Variants in RRAS2 observed in about 807,000 individuals in gnomAD.
The protein encoded by RRAS2 is RAS related 2.
In RRAS2, 7 loss-of-function variants were observed where a neutral mutation model predicts 27.6. The observed-to-expected ratio is 0.25, with a 90% CI of 0.14 to 0.48. The LOEUF is 0.48. Ranked by LOEUF, RRAS2 falls within the 20% of genes least tolerant of loss-of-function variation. RRAS2 has a pLI of 0.99. For synonymous variants in RRAS2, 86 were observed against 90.9 expected (o/e 0.95, Z 0.31); for missense variants, 178 against 256.2 (o/e 0.69, Z 2.08).
At chr11:14,324,463 T>C (rs1263794955) in intron 1 of RRAS2, among the ~76,000 whole-genome samples, 1 of 150,924 alleles carries the variant, frequency 6.6e-6, no homozygotes, top group Non-Finnish European at 1.5e-5. Flanking sequence ...TATATGAGTG[T>C]AAAAGCATTC....
chr11:14,331,202 AGAAACTG>A (rs1848473806), intron 1 of RRAS2, among the ~76,000 whole-genome samples: 1 of 152,246 alleles, frequency 6.6e-6, no homozygotes, highest in Admixed American at 6.5e-5. Flanking sequence ...CTGTGAACCT[AGAAACTG>A]GAAACAAGAA....
chr11:14,360,943 C>T (rs1554956130), upstream of RRAS2, among the ~76,000 whole-genome samples: 1 of 150,336 alleles, frequency 6.7e-6, no homozygotes, highest in Admixed American at 6.6e-5. Flanking sequence ...GCTGGGATTA[C>T]AGGCATGAAC....
chr11:14,337,964 T>C (rs1377305364), intron 1 of RRAS2, among the ~76,000 whole-genome samples: 1 of 152,134 alleles, frequency 6.6e-6, no homozygotes, highest in African/African-American at 2.4e-5. Context: ...AAAAACATGG[T>C]TAGCAAAAAT....
rs545759157 is a variant in RRAS2, at chr11:14,359,031, C to T, written c.-161G>A. On this transcript the variant is annotated 5_prime_UTR_variant, in exon 1 of 6. Transcript: ENST00000256196. ...TGGAGGGCCGGTCAGCGCGGTAGCG[C>T]GGCGCTGGGGACTGGCTGGGTACCG... 6.0e-4 allele frequency: 676 copies of T among 1,119,342 alleles called. No individual in the cohort carries two copies. Among genetic ancestry groups the T allele is most frequent in the Non-Finnish European group, 7.1e-4 (647 of 917,016 alleles). 69.3% of individuals were successfully genotyped at this position (1,119,342 alleles called of 1,614,324 possible). A position where few individuals can be genotyped will look rare whatever the true frequency, so the allele number is the denominator to read the frequency against.
chr11:14,302,712 T>G (rs146713684), intron 1 of RRAS2, among the ~76,000 whole-genome samples: 3 of 152,168 alleles, frequency 2.0e-5, no homozygotes, highest in Admixed American at 6.5e-5. Context: ...GTGACTGTTA[T>G]GTAGCCTCCA....
chr11:14,323,048 G>A (rs1319301788), intron 1 of RRAS2, among the ~76,000 whole-genome samples: 2 of 152,116 alleles, frequency 1.3e-5, no homozygotes, highest in East Asian at 1.9e-4. Flanking sequence ...TACAGCTAGA[G>A]GAGACATTTA....
chr11:14,313,478 A>G (rs1346648485), intron 1 of RRAS2, among the ~76,000 whole-genome samples: 1 of 152,166 alleles, frequency 6.6e-6, no homozygotes, highest in Non-Finnish European at 1.5e-5. Flanking sequence ...GTGGCATCCA[A>G]AAAAGATATA....
intron 1 of RRAS2, among the ~76,000 whole-genome samples, chr11:14,345,221 A>G (rs1554953920): frequency 6.6e-6 from 1 of 151,998 alleles, no homozygotes; most frequent in East Asian, 1.9e-4. Flanking sequence ...CCTGACCTCA[A>G]GTGATCTGCC....
chr11:14,296,478 C>A (rs1435143133), intron 1 of RRAS2, among the ~76,000 whole-genome samples: 1 of 152,120 alleles, frequency 6.6e-6, no homozygotes, highest in Non-Finnish European at 1.5e-5. Flanking sequence ...ATCTAGATCT[C>A]AAACTCTAGA....
intron 1 of RRAS2, among the ~76,000 whole-genome samples, chr11:14,336,788 T>C (rs1463703245): frequency 3.3e-5 from 5 of 152,078 alleles, no homozygotes; most frequent in Admixed American, 1.3e-4. Context: ...AGGATCACAA[T>C]GAGAAGACAA....
chr11:14,351,440 A>C (rs1322488617), intron 1 of RRAS2, among the ~76,000 whole-genome samples: 1 of 152,160 alleles, frequency 6.6e-6, no homozygotes, highest in Non-Finnish European at 1.5e-5. Context: ...CATGAAAGCA[A>C]ATGCAGCCAG....
At chr11:14,321,404 G>T (rs1554950264) in intron 1 of RRAS2, among the ~76,000 whole-genome samples, 1 of 152,104 alleles carries the variant, frequency 6.6e-6, no homozygotes, top group African/African-American at 2.4e-5. Context: ...TTAAAAGAAT[G>T]ATCAAAAATT....
At chr11:14,311,581 G>T (rs1233813658) in intron 1 of RRAS2, among the ~76,000 whole-genome samples, 1 of 151,904 alleles carries the variant, frequency 6.6e-6, no homozygotes, top group Admixed American at 6.6e-5. Context: ...TGGCCAGGCT[G>T]GTCTTGAATT....
chr11:14,293,134 TATATATATATA>T (rs1420246833), intron 4 of RRAS2, among the ~76,000 whole-genome samples: 5 of 87,540 alleles, frequency 5.7e-5, no homozygotes, highest in African/African-American at 2.1e-4. Flanking sequence ...AATATATATA[TATATATATATA>T]TATATATATA....
In RRAS2 at chr11:14,327,822, A is replaced by AAT. The variant is rs1427953693; in HGVS notation, c.108+30940_108+30941insAT. 1.9e-4 allele frequency among the ~76,000 whole-genome samples: 29 copies of AAT among 151,586 alleles called. 1 individual carries two copies. In the East Asian group the frequency reaches 5.6e-3, roughly 29 times the overall value. On this transcript the variant is annotated intron_variant, in intron 1 of 5. Coordinates refer to ENST00000256196, the MANE Select transcript of RRAS2 (RefSeq NM_012250.6). ...TGTAACAACTCAATAGAGAAAAAAA[A>AAT]TTCAAGGATGAAAAGGTTTTATTTA...
chr11:14,327,190 AAC>A (rs1197376211), intron 1 of RRAS2, among the ~76,000 whole-genome samples: 4 of 152,338 alleles, frequency 2.6e-5, no homozygotes, highest in East Asian at 3.9e-4. Context: ...AAATCAAAAC[AAC>A]AGTTTTAAGA....
In RRAS2 at chr11:14,279,176, T is replaced by C. The variant is rs1248731170; in HGVS notation, c.*161A>G. ...CTTTAAATTTGTCTGGAAATGACCA[T>C]TGTATTAGCTTCACAGAAAGGACTA... is the stretch of plus-strand genomic sequence containing the variant. On this transcript the variant is annotated 3_prime_UTR_variant, in exon 6 of 6. Transcript: ENST00000256196. 112 of 602,868 alleles carry C rather than the reference T, an allele frequency of 1.9e-4. No homozygotes were observed. Among genetic ancestry groups the C allele is most frequent in the South Asian group, 1.6e-3 (76 of 47,488 alleles). 37.3% of individuals were successfully genotyped at this position (602,868 alleles called of 1,614,324 possible).
chr11:14,342,794 T>C (rs1201681868), intron 1 of RRAS2, among the ~76,000 whole-genome samples: 2 of 152,238 alleles, frequency 1.3e-5, no homozygotes, highest in Non-Finnish European at 2.9e-5. Flanking sequence ...TTTTTCAATG[T>C]TAATCACTTA....
chr11:14,282,855 C>A (rs1044105169), intron 4 of RRAS2, among the ~76,000 whole-genome samples: 1 of 152,134 alleles, frequency 6.6e-6, no homozygotes, highest in Non-Finnish European at 1.5e-5. Flanking sequence ...TTCTACATAA[C>A]CATGTCATTT....
Sources: gnomAD v4.1 joint callset for allele counts (sites outside exome capture counted in the v4.1 genomes callset) on GRCh38, gnomAD v4.1.1 for gene constraint, MANE v1.5 for transcripts, NCBI Gene and HGNC (gene_info 2026-07-23, HGNC 2026-07-21) for gene names.